The following AGMO variants were observed in gnomAD, a reference collection of about 807,000 sequenced individuals.
AGMO encodes alkylglycerol monooxygenase.
AGMO carries 75 observed loss-of-function variants against 60.2 expected under a neutral mutation model. The observed-to-expected ratio is 1.25, with a 90% CI of 1.03 to 1.51. The LOEUF is 1.51. Among genes scored for constraint, AGMO ranks in the 40% most tolerant of loss-of-function variants. AGMO has a pLI of 0.00. For missense variants in AGMO, 763 were observed against 525.5 expected, an observed-to-expected ratio of 1.45 and a Z score of -4.42; for synonymous variants, 261 against 177.1, an observed-to-expected ratio of 1.47 and a Z score of -3.76.
chr7:15,381,582 T>C (rs1783687735), intron 10 of AGMO, among the ~76,000 whole-genome samples: 1 of 152,154 alleles, frequency 6.6e-6, no homozygotes, highest in Admixed American at 6.6e-5. Flanking sequence ...GGTGGGAATG[T>C]AAATTAGTTC....
chr7:15,396,340 CAGG>C (rs1282695228), intron 5 of AGMO: 2 of 152,180 alleles, frequency 1.3e-5, no homozygotes, highest in Non-Finnish European at 2.9e-5. Flanking sequence ...TCGCTGGCTT[CAGG>C]AGTATAGCTG....
chr7:15,473,167 G>A (rs1244795463), intron 3 of AGMO, among the ~76,000 whole-genome samples: 1 of 151,732 alleles, frequency 6.6e-6, no homozygotes, highest in African/African-American at 2.4e-5. Context: ...ATAAATTCCT[G>A]GACACATACA....
intron 2 of AGMO, among the ~76,000 whole-genome samples, chr7:15,545,466 CTTTT>C (rs1367357806): frequency 1.3e-5 from 2 of 151,714 alleles, no homozygotes; most frequent in Non-Finnish European, 2.9e-5. Flanking sequence ...TTCCTCCTTC[CTTTT>C]TATTTTCTCT....
intron 3 of AGMO, among the ~76,000 whole-genome samples, chr7:15,496,210 C>T (rs1783228579): frequency 6.6e-6 from 1 of 152,018 alleles, no homozygotes; most frequent in South Asian, 2.1e-4. Context: ...GAGGGTGACA[C>T]CACAGTGAGA....
intron 12 of AGMO, among the ~76,000 whole-genome samples, chr7:15,244,495 C>T (rs752824153): frequency 3.9e-5 from 6 of 152,112 alleles, no homozygotes; most frequent in Non-Finnish European, 8.8e-5. Context: ...TATTCTAGAA[C>T]AAAAGCTAAT....
At chr7:15,120,617 C>T in the AGMO span, among the ~76,000 whole-genome samples, 1 of 152,070 alleles carries the variant, frequency 6.6e-6, no homozygotes, top group Non-Finnish European at 1.5e-5. Context: ...GATGTGGTAC[C>T]TCACCTAGAA....
At chr7:15,535,820 C>G (rs1431756817) in intron 3 of AGMO, among the ~76,000 whole-genome samples, 1 of 151,818 alleles carries the variant, frequency 6.6e-6, no homozygotes, top group Non-Finnish European at 1.5e-5. Flanking sequence ...TAGTTATTTT[C>G]AAGTGAATAA....
intron 12 of AGMO, among the ~76,000 whole-genome samples, chr7:15,356,387 T>C (rs972172362): frequency 3.9e-5 from 6 of 152,148 alleles, no homozygotes; most frequent in Non-Finnish European, 8.8e-5. Flanking sequence ...AAAGAATACA[T>C]TTTAAAAATA....
rs1781258777 is a variant in AGMO, at chr7:15,200,860, A to T, written c.*425T>A. 6.5e-6 allele frequency: 1 copy of T among 153,352 alleles called. No individual in the cohort carries two copies. Among genetic ancestry groups the T allele is most frequent in the Non-Finnish European group, 1.5e-5 (1 of 68,954 alleles). 9.5% of individuals were successfully genotyped at this position (153,352 alleles called of 1,614,324 possible). A position where few individuals can be genotyped will look rare whatever the true frequency, so the allele number is the denominator to read the frequency against. ...GGATTGCAAAGGTAACTGTGGCCTT[A>T]GGAAGACAACCAATGTAATACATTT... On this transcript the variant is annotated 3_prime_UTR_variant, in exon 13 of 13. Transcript: ENST00000342526.
chr7:15,310,868 C>T (rs977577363), intron 12 of AGMO, among the ~76,000 whole-genome samples: 1 of 152,146 alleles, frequency 6.6e-6, no homozygotes, highest in South Asian at 2.1e-4. Flanking sequence ...CTTTTTCCAG[C>T]TTCTAGAGGC....
chr7:15,558,266 T>C (rs1205371665), intron 2 of AGMO, among the ~76,000 whole-genome samples: 1 of 152,070 alleles, frequency 6.6e-6, no homozygotes. Flanking sequence ...TTCATTCAAT[T>C]TGCTGTCAAA....
chr7:15,331,801 C>G (rs1781504798), intron 12 of AGMO, among the ~76,000 whole-genome samples: 1 of 151,910 alleles, frequency 6.6e-6, no homozygotes, highest in African/African-American at 2.4e-5. Flanking sequence ...TGGCCCATGC[C>G]TATAATCACA....
intron 3 of AGMO, among the ~76,000 whole-genome samples, chr7:15,541,961 C>T (rs752567148): frequency 5.3e-5 from 8 of 151,940 alleles, no homozygotes; most frequent in Non-Finnish European, 1.0e-4. Context: ...TTTTTTCTTA[C>T]TATATTTTAA....
At chr7:15,392,653 A>G (rs1463929323) in intron 6 of AGMO, among the ~76,000 whole-genome samples, 1 of 151,800 alleles carries the variant, frequency 6.6e-6, no homozygotes, top group African/African-American at 2.4e-5. Flanking sequence ...ACAAAAATTA[A>G]CCACACGTGG....
chr7:15,283,363 T>A (rs1272075464), intron 12 of AGMO, among the ~76,000 whole-genome samples: 5 of 151,752 alleles, frequency 3.3e-5, no homozygotes, highest in Non-Finnish European at 3.0e-5. Context: ...AAGATTCATA[T>A]AAACTCAAGA....
Position 15,313,399 on chromosome 7 carries a change from A to T in AGMO, c.1263+52115T>A, listed in dbSNP as rs145682990. On this transcript the variant is annotated intron_variant, in intron 12 of 12. Coordinates refer to ENST00000342526, the MANE Select transcript of AGMO (RefSeq NM_001004320.2). ...TATTTTGCTGCTTAAGTGTTCAAAG[A>T]TTCTAAAACTACTAAGTACTTTGGC... 3.9e-5 allele frequency among the ~76,000 whole-genome samples: 6 copies of T among 152,294 alleles called. No individual in the cohort carries two copies. In the East Asian group the frequency reaches 9.7e-4, roughly 25 times the overall value.
chr7:15,561,534 C>T (rs1397617616), intron 1 of AGMO, among the ~76,000 whole-genome samples, 186 bp downstream of exon 1: 1 of 152,098 alleles, frequency 6.6e-6, no homozygotes, highest in Non-Finnish European at 1.5e-5. Flanking sequence ...GTGAAGATGG[C>T]TATGGATTGT....
chr7:15,231,596 A>G (rs1782261037), intron 12 of AGMO, among the ~76,000 whole-genome samples: 1 of 152,250 alleles, frequency 6.6e-6, no homozygotes, highest in Admixed American at 6.5e-5. Context: ...AGCTTTGCAT[A>G]ATGAATGATC....
At chr7:15,455,293 A>G (rs76495990) in intron 3 of AGMO, among the ~76,000 whole-genome samples, 26,545 of 152,044 alleles carry the variant, frequency 0.17, 2,448 homozygotes, top group South Asian at 0.26. Flanking sequence ...TCTACAATCT[A>G]TCATTAGTTT....
Sources: gnomAD v4.1 joint callset for allele counts (sites outside exome capture counted in the v4.1 genomes callset) on GRCh38, gnomAD v4.1.1 for gene constraint, MANE v1.5 for transcripts, NCBI Gene and HGNC (gene_info 2026-07-23, HGNC 2026-07-21) for gene names.